ASAP1: variants seen among roughly 807,000 people sequenced by gnomAD.
ASAP1 encodes the protein arf-GAP with SH3 domain, ANK repeat and PH domain-containing protein 1.
A neutral mutation model predicts 145.2 loss-of-function variants in ASAP1; 43 were observed. The ratio of observed to expected loss-of-function variants is 0.30; its 90% CI spans 0.23 to 0.38. The LOEUF (loss-of-function observed/expected upper bound fraction) is 0.38. ASAP1 is among the 10% of genes least tolerant of loss of function. The pLI is 1.00. For missense variants in ASAP1, 1,018 were observed against 1,355.3 expected (o/e 0.75, Z 3.91); for synonymous variants, 546 against 515.5 (o/e 1.06, Z -0.80).
At chr8:130,153,626 C>T (rs2097652173) in intron 12 of ASAP1, among the ~76,000 whole-genome samples, 1 of 151,840 alleles carries the variant, frequency 6.6e-6, no homozygotes, top group Admixed American at 6.6e-5. Context: ...CCTCGCCCTC[C>T]CAGAATGCTG....
At chr8:130,359,263 T>C (rs1386550578) in intron 2 of ASAP1, among the ~76,000 whole-genome samples, 2 of 152,190 alleles carry the variant, frequency 1.3e-5, no homozygotes, top group African/African-American at 2.4e-5. Context: ...GTAAAAGGCA[T>C]TGCCCGAGCT....
intron 24 of ASAP1, among the ~76,000 whole-genome samples, chr8:130,107,737 T>G (rs2097539934): frequency 6.6e-6 from 1 of 150,920 alleles, no homozygotes; most frequent in Admixed American, 6.6e-5. Context: ...TTAGTAGAGA[T>G]AGGGTTTCAC....
At chr8:130,290,495 G>C (rs2137294897) in intron 3 of ASAP1, among the ~76,000 whole-genome samples, 1 of 152,304 alleles carries the variant, frequency 6.6e-6, no homozygotes, top group Admixed American at 6.5e-5. Flanking sequence ...AACCTTCCTG[G>C]AAAGAGGAGT....
At chr8:130,300,184 A>AGAGAGAGAGAGAGAGC (rs761456724) in intron 3 of ASAP1, among the ~76,000 whole-genome samples, 2 of 140,286 alleles carry the variant, frequency 1.4e-5, no homozygotes, top group African/African-American at 5.6e-5. Context: ...AGAGAGAGAG[A>AGAGAGAGAGAGAGAGC]GAGCGAGCGA....
chr8:130,400,542 C>A (rs1417778267), intron 2 of ASAP1, among the ~76,000 whole-genome samples: 1 of 151,370 alleles, frequency 6.6e-6, no homozygotes, highest in Admixed American at 6.6e-5. Context: ...TAATCCAGCA[C>A]TTTGGGAGGC....
At chr8:130,349,358 CT>C (rs1374582604) in intron 3 of ASAP1, among the ~76,000 whole-genome samples, 1 of 152,212 alleles carries the variant, frequency 6.6e-6, no homozygotes, top group Non-Finnish European at 1.5e-5. Flanking sequence ...CAAGTCTCAT[CT>C]TCTCAGTTAC....
intron 9 of ASAP1, among the ~76,000 whole-genome samples, chr8:130,176,676 GTCTC>G (rs747999625): frequency 2.1e-5 from 3 of 144,838 alleles, no homozygotes; most frequent in Non-Finnish European, 4.5e-5. Flanking sequence ...CTGGTCAGAT[GTCTC>G]TCTTCCTGTT....
At chr8:130,379,915 T>C (rs974448473) in intron 2 of ASAP1, among the ~76,000 whole-genome samples, 1 of 152,162 alleles carries the variant, frequency 6.6e-6, no homozygotes, top group African/African-American at 2.4e-5. Context: ...GGCACACTCA[T>C]GTCACTGCTC....
intron 24 of ASAP1, among the ~76,000 whole-genome samples, chr8:130,108,333 G>C (rs1320227611): frequency 6.6e-6 from 1 of 152,226 alleles, no homozygotes; most frequent in Non-Finnish European, 1.5e-5. Flanking sequence ...GGAATGAACT[G>C]TAATTAGCAT....
At chr8:130,431,237 T>G (rs926409057) in intron 1 of ASAP1, among the ~76,000 whole-genome samples, 2 of 152,118 alleles carry the variant, frequency 1.3e-5, no homozygotes, top group Admixed American at 6.5e-5. Flanking sequence ...TTCCAGACCC[T>G]GGCATCAACC....
chr8:130,199,478 T>C (rs1466250391), intron 5 of ASAP1, among the ~76,000 whole-genome samples: 1 of 152,170 alleles, frequency 6.6e-6, no homozygotes, highest in Non-Finnish European at 1.5e-5. Flanking sequence ...TCCCAGGATA[T>C]GGTTGGGAGT....
At chr8:130,396,443 ACCTT>A (rs1303337766) in intron 2 of ASAP1, among the ~76,000 whole-genome samples, 1 of 152,206 alleles carries the variant, frequency 6.6e-6, no homozygotes, top group African/African-American at 2.4e-5. Flanking sequence ...TTTAGCCATA[ACCTT>A]CCTTCCTTTA....
intron 12 of ASAP1, 72 bp from the exon 13 acceptor site, chr8:130,152,877 T>C: frequency 2.7e-6 from 3 of 1,112,552 alleles, no homozygotes; most frequent in Non-Finnish European, 3.8e-6. Context: ...TACAGTATGA[T>C]ACATAATAAT....
At chr8:130,219,218 T>TATTATAAAGTTAGTAAAGTCAATACTAGA (rs374506272) in intron 4 of ASAP1, among the ~76,000 whole-genome samples, 14,906 of 150,488 alleles carry the variant, frequency 0.099, 846 homozygotes, top group South Asian at 0.26. Context: ...TAACATACTG[T>TATTATAAAGTTAGTAAAGTCAATACTAGA]ATTATAAAGT....
intron 13 of ASAP1, among the ~76,000 whole-genome samples, chr8:130,139,346 A>C (rs1416478906): frequency 6.6e-6 from 1 of 152,230 alleles, no homozygotes; most frequent in Non-Finnish European, 1.5e-5. Flanking sequence ...GAAATAAGGA[A>C]GAACTTCCCA....
At chr8:130,103,820 T>G (rs2097532761) in intron 24 of ASAP1, among the ~76,000 whole-genome samples, 1 of 152,230 alleles carries the variant, frequency 6.6e-6, no homozygotes, top group South Asian at 2.1e-4. Context: ...AGTGATGTTT[T>G]TCTTTTTCTA....
chr8:130,212,016 C>A (rs1816614705), intron 5 of ASAP1, among the ~76,000 whole-genome samples: 1 of 152,138 alleles, frequency 6.6e-6, no homozygotes, highest in Admixed American at 6.5e-5. Flanking sequence ...GAACCCTGAC[C>A]CCCTCGGGGT....
intron 2 of ASAP1, among the ~76,000 whole-genome samples, chr8:130,387,683 C>T (rs1828086433): frequency 6.6e-6 from 1 of 151,174 alleles, no homozygotes. Flanking sequence ...AGCCCAAGTC[C>T]CAACCAACTT....
chr8:130,208,268 C>G (rs1816354262), intron 5 of ASAP1, among the ~76,000 whole-genome samples: 1 of 152,138 alleles, frequency 6.6e-6, no homozygotes, highest in African/African-American at 2.4e-5. Context: ...AGAATTCCCC[C>G]CATTTTTGCA....
Sources: allele counts gnomAD v4.1 joint callset (sites outside exome capture counted in the v4.1 genomes callset), GRCh38; gene constraint gnomAD v4.1.1; transcripts MANE v1.5; gene names NCBI Gene and HGNC (gene_info 2026-07-23, HGNC 2026-07-21).